The following ZNF823 variants were observed in gnomAD, a reference collection of about 807,000 sequenced individuals.
The protein encoded by ZNF823 is ZFP 36 for a zinc finger protein.
ZNF823 carries 5 observed loss-of-function variants against 11.4 expected under a neutral mutation model. That is an observed-to-expected ratio of 0.44 (90% CI 0.23 to 0.92). The LOEUF (loss-of-function observed/expected upper bound fraction) is 0.92, where lower values mean the gene tolerates loss of function less well. Ranked by LOEUF, ZNF823 falls within the 40% of genes least tolerant of loss-of-function variation. The pLI is 0.24. For missense variants in ZNF823, 582 were observed against 738.5 expected, an observed-to-expected ratio of 0.79 and a Z score of 2.46; for synonymous variants, 234 against 250.5, an observed-to-expected ratio of 0.93 and a Z score of 0.62.
intron 1 of ZNF823, 142 bp from the exon 2 acceptor site, chr19:11,725,469 C>T: frequency 1.6e-6 from 2 of 1,228,048 alleles, no homozygotes; most frequent in Non-Finnish European, 2.3e-6. Context: ...ATTTTGTCTA[C>T]ACTCACTTTT....
At chr19:11,727,928 C>T (rs1872896498) in intron 1 of ZNF823, among the ~76,000 whole-genome samples, 1 of 139,592 alleles carries the variant, frequency 7.2e-6, no homozygotes, top group South Asian at 2.3e-4. Context: ...CGCTCTGTAG[C>T]CCAGGCTGGA....
chr19:11,727,101 C>G (rs1342023484), intron 1 of ZNF823, among the ~76,000 whole-genome samples: 1 of 152,196 alleles, frequency 6.6e-6, no homozygotes, highest in Non-Finnish European at 1.5e-5. Context: ...ACAAAAAACT[C>G]AGTGTCACCT....
chr19:11,721,773 T>C lies in ZNF823; in HGVS notation c.1761A>G (p.Glu587=). Residue 587 remains glutamate (E), a synonymous_variant, in exon 4 of 4, where the codon GAA becomes GAG. Transcript: ENST00000341191. ...HTGEKLYECK[E]CGKALSSLRS... ...GGAGAGAACTCAATGCTTTCCCACA[T>C]TCCTTACATTCATACAGCTTCTCTC... 2 of 1,614,172 alleles carry C rather than the reference T, an allele frequency of 1.2e-6. No individual in the cohort carries two copies. The highest frequency in any genetic ancestry group is 1.1e-5 in the South Asian group (1 of 91,088).
chr19:11,731,794 G>A (rs1974899472), intron 1 of ZNF823, among the ~76,000 whole-genome samples: 1 of 152,136 alleles, frequency 6.6e-6, no homozygotes, highest in Non-Finnish European at 1.5e-5. Flanking sequence ...TGGATCACCT[G>A]AGGTCAGGAG....
At chr19:11,726,207 T>C (rs1974787585) in intron 1 of ZNF823, 1 of 150,056 alleles carries the variant, frequency 6.7e-6, no homozygotes, top group Admixed American at 6.7e-5. Flanking sequence ...CATGCCGCTG[T>C]ACTCCCTCCA....
intron 1 of ZNF823, among the ~76,000 whole-genome samples, chr19:11,735,930 A>G (rs1394411160): frequency 6.6e-6 from 1 of 150,998 alleles, no homozygotes; most frequent in African/African-American, 2.5e-5. Flanking sequence ...TCATTTAGTA[A>G]ATGAATAATG....
intron 1 of ZNF823, among the ~76,000 whole-genome samples, chr19:11,728,090 G>A (rs532753684): frequency 2.6e-5 from 4 of 152,176 alleles, no homozygotes; most frequent in East Asian, 1.9e-4. Flanking sequence ...TGTTAGCCAG[G>A]ATGGTCTCGA....
At chr19:11,738,031 C>T (rs1975026065) in intron 1 of ZNF823, among the ~76,000 whole-genome samples, 1 of 152,206 alleles carries the variant, frequency 6.6e-6, no homozygotes, top group Non-Finnish European at 1.5e-5. Flanking sequence ...GCAGCGTCCT[C>T]ACCGGGTTCA....
chr19:11,727,122 T>C (rs1325338693), intron 1 of ZNF823, among the ~76,000 whole-genome samples: 1 of 152,202 alleles, frequency 6.6e-6, no homozygotes, highest in Admixed American at 6.5e-5. Context: ...CTCATGATTA[T>C]CTATAATATT....
In ZNF823 at chr19:11,723,146, C is replaced by T. The variant is rs1599699723; in HGVS notation, c.388G>A (p.Glu130Lys). 6.2e-7 allele frequency: 1 copy of T among 1,614,142 alleles called. No individual in the cohort carries two copies. The highest frequency in any genetic ancestry group is 8.5e-7 in the Non-Finnish European group (1 of 1,180,032). Reference sequence around the variant, plus strand: ...TGTGTATATGGCTTCTCTCCATATTCCTGATGCTCACATGATTTGTGTCCA... The same window carrying T: ...TGTGTATATGGCTTCTCTCCATATTTCTGATGCTCACATGATTTGTGTCCA... Reference protein sequence around the residue: ...DTGHKSCEHQEYGEKPYTHKQ... With the variant: ...DTGHKSCEHQKYGEKPYTHKQ... The change falls in exon 4 of 4, where the codon GAA becomes AAA. Residue 130 changes from glutamate to lysine, a missense_variant. By Grantham distance (56) the Glu-to-Lys change is moderately conservative. This residue lies in a region of ZNF823 where 429 missense variants were observed against 553.7 expected (regional missense o/e 0.77). Transcript: ENST00000341191.
At chr19:11,737,482 G>C (rs1039175626) in intron 1 of ZNF823, among the ~76,000 whole-genome samples, 10 of 150,746 alleles carry the variant, frequency 6.6e-5, no homozygotes, top group Non-Finnish European at 1.3e-4. Context: ...GGCTGGTCTC[G>C]AACTCCCGAC....
chr19:11,728,708 G>A (rs1012648847), intron 1 of ZNF823, among the ~76,000 whole-genome samples: 10 of 152,162 alleles, frequency 6.6e-5, no homozygotes, highest in South Asian at 2.1e-4. Context: ...CATATAGAAT[G>A]CTCAGTTAAA....
At chr19:11,725,391 A>C in intron 1 of ZNF823, 64 bp from the exon 2 acceptor site, 1 of 1,594,024 alleles carries the variant, frequency 6.3e-7, no homozygotes, top group Non-Finnish European at 8.6e-7. Context: ...ATCCATACTC[A>C]CTGCATAAAC....
chr19:11,725,382 T>A, intron 1 of ZNF823, 55 bp from the exon 2 acceptor site: 1 of 1,605,424 alleles, frequency 6.2e-7, no homozygotes, highest in Non-Finnish European at 8.5e-7. Context: ...GCACTGAGAA[T>A]CCATACTCAC....
chr19:11,732,483 T>C (rs1283561600), intron 1 of ZNF823, among the ~76,000 whole-genome samples: 1 of 147,550 alleles, frequency 6.8e-6, no homozygotes, highest in Non-Finnish European at 1.5e-5. Context: ...GTATTTTTAG[T>C]AGAAACGGGG....
At chr19:11,725,166 T>C (rs756035174) in intron 2 of ZNF823, 35 bp downstream of exon 2, 1 of 1,603,120 alleles carries the variant, frequency 6.2e-7, no homozygotes, top group Admixed American at 1.7e-5. Context: ...CAAATGTCTC[T>C]AATTGACTAA....
intron 1 of ZNF823, among the ~76,000 whole-genome samples, chr19:11,732,009 CA>C (rs34026773): frequency 0.089 from 8,662 of 96,902 alleles, 326 homozygotes; most frequent in African/African-American, 0.21. Context: ...AACTCCGTCT[CA>C]AAAAAAAAAA....
chr19:11,737,583 T>TC (rs752749498), intron 1 of ZNF823, among the ~76,000 whole-genome samples: 131 of 80,550 alleles, frequency 1.6e-3, no homozygotes, highest in Non-Finnish European at 3.1e-3. Flanking sequence ...TTTTTTTTTT[T>TC]CACACTGGAG....
chr19:11,724,229 A>C lies in ZNF823; in HGVS notation c.156T>G (p.Ile52Met). Residue 52 changes from isoleucine to methionine, a missense_variant, in exon 3 of 4, where the codon ATT becomes ATG. Transcript: ENST00000341191. ...TCTTGGCATTTTGGCACTGATCTCC[A>C]ATGTTCTGGTCCTCCCATTTCATTT... ...CIEMKWEDQN[I>M]GDQCQNAKRN... is the part of the protein sequence containing the mutation. The C allele has an allele frequency of 6.2e-7, 1 of 1,610,158 alleles. No homozygotes were observed. The highest frequency in any genetic ancestry group is 8.5e-7 in the Non-Finnish European group (1 of 1,178,246).
Sources: allele counts gnomAD v4.1 joint callset (sites outside exome capture counted in the v4.1 genomes callset), GRCh38; gene constraint gnomAD v4.1.1; regional missense constraint gnomAD v4.1.1; transcripts MANE v1.5; gene names NCBI Gene and HGNC (gene_info 2026-07-23, HGNC 2026-07-21).